The following SHCBP1 variants were observed in gnomAD, a reference collection of about 807,000 sequenced individuals.
SHCBP1 encodes the protein SHC SH2 domain-binding protein 1.
A neutral mutation model predicts 75.1 loss-of-function variants in SHCBP1; 60 were observed. The ratio of observed to expected loss-of-function variants is 0.80; its 90% CI spans 0.65 to 0.99. SHCBP1 has a LOEUF of 0.99. Ranked by LOEUF, SHCBP1 falls within the 50% of genes least tolerant of loss-of-function variation. The pLI is 0.00. For missense variants in SHCBP1, 709 were observed against 809.4 expected (o/e 0.88, Z 1.50); for synonymous variants, 290 against 293.2 (o/e 0.99, Z 0.11).
intron 4 of SHCBP1, among the ~76,000 whole-genome samples, chr16:46,610,322 C>A (rs1374446933): frequency 6.6e-6 from 1 of 151,932 alleles, no homozygotes; most frequent in African/African-American, 2.4e-5. Flanking sequence ...CTTAATATTA[C>A]CAAATATCCA....
chr16:46,606,823 CTT>C (rs778227259), intron 5 of SHCBP1, among the ~76,000 whole-genome samples: 19 of 143,530 alleles, frequency 1.3e-4, no homozygotes, highest in South Asian at 2.2e-4. Context: ...GACTTTCAAA[CTT>C]TTTTTTTTTT....
At chr16:46,617,839 T>G in intron 2 of SHCBP1, 90 bp from the exon 3 acceptor site, 1 of 988,482 alleles carries the variant, frequency 1.0e-6, no homozygotes, top group Admixed American at 1.9e-5. Context: ...ACTGGCAATC[T>G]GAGGGACTGA....
At chr16:46,588,447 A>C (rs954491158) in intron 10 of SHCBP1, among the ~76,000 whole-genome samples, 13 of 152,234 alleles carry the variant, frequency 8.5e-5, no homozygotes, top group African/African-American at 1.4e-4. Flanking sequence ...AAGAAAAAAG[A>C]GAGAAGAATC....
chr16:46,610,214 T>A (rs1965387696), intron 4 of SHCBP1, among the ~76,000 whole-genome samples: 1 of 152,156 alleles, frequency 6.6e-6, no homozygotes, highest in Non-Finnish European at 1.5e-5. Context: ...CTCCCAAATA[T>A]ACTGGATTAT....
chr16:46,601,046 C>T (rs550463259), intron 8 of SHCBP1, among the ~76,000 whole-genome samples: 2 of 150,800 alleles, frequency 1.3e-5, no homozygotes, highest in Non-Finnish European at 2.9e-5. Flanking sequence ...CAGTGGCTCA[C>T]GCCTATAATC....
At chr16:46,584,202 T>C (rs1596668243) in intron 10 of SHCBP1, 113 bp from the exon 11 acceptor site, 2 of 638,672 alleles carry the variant, frequency 3.1e-6, no homozygotes, top group East Asian at 5.8e-5. Flanking sequence ...AGCACAAAGA[T>C]AAAGTACTTT....
intron 10 of SHCBP1, among the ~76,000 whole-genome samples, chr16:46,585,271 G>A (rs1046254960): frequency 4.6e-5 from 7 of 152,088 alleles, no homozygotes; most frequent in African/African-American, 1.7e-4. Flanking sequence ...AAGTAACTGA[G>A]GAGCCTGCCA....
At chr16:46,600,837 A>C (rs1965223810) in intron 8 of SHCBP1, among the ~76,000 whole-genome samples, 1 of 151,800 alleles carries the variant, frequency 6.6e-6, no homozygotes, top group African/African-American at 2.4e-5. Flanking sequence ...ACATACAGAA[A>C]TCCTGCCTCT....
chr16:46,612,622 A>G (rs1000709281), intron 4 of SHCBP1, among the ~76,000 whole-genome samples: 1 of 152,176 alleles, frequency 6.6e-6, no homozygotes, highest in Non-Finnish European at 1.5e-5. Context: ...CTCCTGCCTC[A>G]GAGCCGTTGT....
chr16:46,587,035 T>C (rs988203193), intron 10 of SHCBP1, among the ~76,000 whole-genome samples: 20 of 152,116 alleles, frequency 1.3e-4, no homozygotes, highest in Non-Finnish European at 2.5e-4. Context: ...TAAGCAAAGA[T>C]ATAGGTAAAT....
Position 46,616,540 on chromosome 16 carries a change from G to C in SHCBP1, c.388-386C>G, listed in dbSNP as rs117371040. 4.6e-5 allele frequency among the ~76,000 whole-genome samples: 7 copies of C among 152,192 alleles called. No individual in the cohort carries two copies. Among genetic ancestry groups the C allele is most frequent in the Admixed American group, 4.6e-4 (7 of 15,274 alleles). Reference sequence around the variant, plus strand: ...TGGCAGCTGGAGGAGCGGAAAGGCAGTCCTTCTTGCTGGAGCCAAAGGGAG... The same window carrying C: ...TGGCAGCTGGAGGAGCGGAAAGGCACTCCTTCTTGCTGGAGCCAAAGGGAG... On this transcript the variant is annotated intron_variant, in intron 3 of 12. Transcript: ENST00000303383. This position sits in a 1 kb window ranked among gnomAD's most constrained non-coding sequence, Gnocchi z 4.4.
At chr16:46,584,586 TA>T (rs774785549) in intron 10 of SHCBP1, among the ~76,000 whole-genome samples, 3 of 152,028 alleles carry the variant, frequency 2.0e-5, no homozygotes, top group Non-Finnish European at 4.4e-5. Context: ...CAACCCAACT[TA>T]AAAATCATTT....
At chr16:46,618,103 G>T in intron 2 of SHCBP1, 102 bp downstream of exon 2, 1 of 1,135,942 alleles carries the variant, frequency 8.8e-7, no homozygotes, top group Non-Finnish European at 1.2e-6. Flanking sequence ...CTGAACCTGG[G>T]AGGCGGAGGT....
chr16:46,621,354 A>C lies in SHCBP1; in HGVS notation c.6T>G (p.Ala2=), dbSNP rs753023489. ...GACCGCCGCCCGTCAGCGACCCGTC[A>C]GCCATTTCAAATTTCCGCGGACGGC... M[A]DGSLTGGGLE... is the part of the protein sequence containing the mutation. Residue 2 remains alanine (A), a synonymous_variant, in exon 1 of 13, where the codon GCT becomes GCG. Coordinates refer to ENST00000303383, the MANE Select transcript of SHCBP1 (RefSeq NM_024745.5). 51 of 1,610,810 alleles carry C rather than the reference A, an allele frequency of 3.2e-5. No homozygotes were observed. Among genetic ancestry groups the C allele is most frequent in the Admixed American group, 5.0e-5 (3 of 59,924 alleles).
At chr16:46,599,578 T>C (rs1965195490) in intron 9 of SHCBP1, among the ~76,000 whole-genome samples, 1 of 139,730 alleles carries the variant, frequency 7.2e-6, no homozygotes, top group Non-Finnish European at 1.5e-5. Flanking sequence ...GTTACCAAAA[T>C]GTGACACAGA....
At chr16:46,621,193 A>C in intron 1 of SHCBP1, 64 bp downstream of exon 1, 1 of 1,472,400 alleles carries the variant, frequency 6.8e-7, no homozygotes. Context: ...GCGCCCTCCT[A>C]GGGTCCCGAC....
rs1596664886 is a variant in SHCBP1 at position 46,579,964 on chromosome 16, A to G, written c.*1765T>C. Among the ~76,000 whole-genome samples, 2 of 151,082 alleles carry G rather than the reference A, an allele frequency of 1.3e-5. No homozygotes were observed. The highest frequency in any genetic ancestry group is 1.3e-4 in the Admixed American group (2 of 15,156). On this transcript the variant is annotated 3_prime_UTR_variant, in exon 13 of 13. Transcript: ENST00000303383. ...AAAATAAAATAAAAATAAAATAAAT[A>G]CAAAAAAAAAATTAGCTGGGCATGG...
At chr16:46,591,019 G>A (rs1965038463) in intron 10 of SHCBP1, among the ~76,000 whole-genome samples, 1 of 152,160 alleles carries the variant, frequency 6.6e-6, no homozygotes. Flanking sequence ...CCTTTGTAGG[G>A]ACATGGATGA....
chr16:46,584,299 CCACACA>C (rs71158873), intron 10 of SHCBP1: 178,373 of 249,454 alleles, frequency 0.72, 59,966 homozygotes, highest in South Asian at 0.81. Flanking sequence ...ATTTTCAAAA[CCACACA>C]CACACACACA....
Sources: allele counts gnomAD v4.1 joint callset (sites outside exome capture counted in the v4.1 genomes callset), GRCh38; gene constraint gnomAD v4.1.1; non-coding constraint Gnocchi (gnomAD v3.1); transcripts MANE v1.5; gene names NCBI Gene and HGNC (gene_info 2026-07-23, HGNC 2026-07-21).